NT5DC3: variants seen among roughly 807,000 people sequenced by gnomAD.
NT5DC3 encodes 5'-nucleotidase domain-containing protein 3.
Under a neutral mutation model 67.8 loss-of-function variants are expected in NT5DC3, and 42 were observed. That is an observed-to-expected ratio of 0.62 (90% CI 0.48 to 0.80). NT5DC3 has a LOEUF of 0.80. Ranked by LOEUF, NT5DC3 falls within the 30% of genes least tolerant of loss-of-function variation. The pLI, the probability that NT5DC3 is intolerant of heterozygous loss-of-function variation, is 0.00. For synonymous variants in NT5DC3, 237 were observed against 255.6 expected, an observed-to-expected ratio of 0.93 and a Z score of 0.69; for missense variants, 570 against 696.4, an observed-to-expected ratio of 0.82 and a Z score of 2.04.
rs762632429 is a variant in NT5DC3, at chr12:103,805,076, T to C, written c.524+1246A>G. Among the ~76,000 whole-genome samples the C allele has an allele frequency of 5.4e-4, 75 of 137,926 alleles. 2 individuals carry two copies. The highest frequency in any genetic ancestry group is 2.5e-4 in the Non-Finnish European group (16 of 64,332). The allele number at this position is 137,926 out of a possible 152,430, so 90.5% of individuals were successfully genotyped here. On this transcript the variant is annotated intron_variant, in intron 4 of 13. Transcript: ENST00000392876. ...CAATAACAAAAAAAAAAAAAAAGAG[T>C]GAACCAGGCAAGACCTTCTGAGTCA... is the stretch of plus-strand genomic sequence containing the variant.
chr12:103,758,099 G>T, the NT5DC3 span: 1 of 1,601,474 alleles, frequency 6.2e-7, no homozygotes, highest in South Asian at 1.1e-5. Context: ...GATGCCCTGG[G>T]ACCTTCTTCA....
intron 1 of NT5DC3, 35 bp downstream of exon 1, chr12:103,840,912 GCC>G: frequency 7.9e-7 from 1 of 1,265,330 alleles, no homozygotes; most frequent in Non-Finnish European, 1.0e-6. Flanking sequence ...CGCAGGAGGG[GCC>G]CCAGGCGCCG....
chr12:103,777,505 G>C lies in NT5DC3; in HGVS notation c.*324C>G. Reference sequence around the variant, plus strand: ...AGGAGTCAAGAACCGTTTCAAGCTTGACCTGCTAGAATACAGACATGGCAT... The same window carrying C: ...AGGAGTCAAGAACCGTTTCAAGCTTCACCTGCTAGAATACAGACATGGCAT... On this transcript the variant is annotated 3_prime_UTR_variant, in exon 14 of 14. Coordinates refer to ENST00000392876, the MANE Select transcript of NT5DC3 (RefSeq NM_001031701.3). 6.2e-6 allele frequency: 2 copies of C among 323,184 alleles called. No homozygotes were observed. Among genetic ancestry groups the C allele is most frequent in the Admixed American group, 4.5e-5 (1 of 22,020 alleles). 20.0% of individuals were successfully genotyped at this position (323,184 alleles called of 1,614,324 possible).
chr12:103,764,550 G>C, the NT5DC3 span, among the ~76,000 whole-genome samples: 1 of 151,968 alleles, frequency 6.6e-6, no homozygotes, highest in Non-Finnish European at 1.5e-5. Flanking sequence ...ACCAGTTCTC[G>C]ACTGAAAAAA....
intron 9 of NT5DC3, among the ~76,000 whole-genome samples, chr12:103,791,491 TGATACTCCCCAA>T (rs1168664376): frequency 6.6e-6 from 1 of 152,190 alleles, no homozygotes; most frequent in Non-Finnish European, 1.5e-5. Flanking sequence ...AAGGTTTTTA[TGATACTCCCCAA>T]GACACTGGAA....
At chr12:103,783,580 A>T (rs1885645334) in intron 12 of NT5DC3, among the ~76,000 whole-genome samples, 1 of 152,108 alleles carries the variant, frequency 6.6e-6, no homozygotes, top group Admixed American at 6.6e-5. Flanking sequence ...ATTCTAGAAA[A>T]GTCACCTATC....
chr12:103,796,828 C>T, intron 6 of NT5DC3, 66 bp downstream of exon 6: 2 of 1,567,650 alleles, frequency 1.3e-6, no homozygotes, highest in East Asian at 2.2e-5. Context: ...AGGTTCAAGA[C>T]TCTGTGACTC....
At chr12:103,779,822 T>C (rs1353894762) in intron 13 of NT5DC3, among the ~76,000 whole-genome samples, 4 of 152,152 alleles carry the variant, frequency 2.6e-5, no homozygotes, top group African/African-American at 9.7e-5. Context: ...CAGGCAGGCT[T>C]TCTTTATCAG....
intron 7 of NT5DC3, 96 bp downstream of exon 7, chr12:103,793,841 T>C (rs1283696279): frequency 2.0e-6 from 2 of 997,100 alleles, no homozygotes; most frequent in Non-Finnish European, 3.2e-6. Context: ...TCATGCAGCC[T>C]CTGCTTAGCA....
intron 9 of NT5DC3, among the ~76,000 whole-genome samples, chr12:103,789,484 C>T (rs1885945542): frequency 6.6e-6 from 1 of 152,082 alleles, no homozygotes; most frequent in South Asian, 2.1e-4. Flanking sequence ...ATTTGGAAAA[C>T]ACCATGCACT....
At chr12:103,836,957 T>C (rs1888174634) in intron 1 of NT5DC3, among the ~76,000 whole-genome samples, 1 of 152,198 alleles carries the variant, frequency 6.6e-6, no homozygotes, top group Non-Finnish European at 1.5e-5. Context: ...GTAGGGACTC[T>C]GTGTGGGGGC....
rs1297564164 is a variant in NT5DC3, at chr12:103,774,550, G to T, written c.*3279C>A. ...TACAAAAAAATTAGCTGGATGTGGT[G>T]GTGGGCACCTGTAATCCCAGCTACT... On this transcript the variant is annotated 3_prime_UTR_variant, in exon 14 of 14. Coordinates refer to ENST00000392876, the MANE Select transcript of NT5DC3 (RefSeq NM_001031701.3). 1 of 151,766 alleles carries T rather than the reference G, an allele frequency of 6.6e-6. No individual in the cohort carries two copies. 9.4% of individuals were successfully genotyped at this position (151,766 alleles called of 1,614,324 possible).
the NT5DC3 span, among the ~76,000 whole-genome samples, chr12:103,762,016 T>A: frequency 6.6e-6 from 1 of 152,152 alleles, no homozygotes; most frequent in Non-Finnish European, 1.5e-5. Context: ...CTGTGTGATA[T>A]CGGGCAAGTG....
At chr12:103,790,261 T>C (rs1885986488) in intron 9 of NT5DC3, among the ~76,000 whole-genome samples, 1 of 151,892 alleles carries the variant, frequency 6.6e-6, no homozygotes, top group Non-Finnish European at 1.5e-5. Flanking sequence ...TGCACTGCCA[T>C]ACCTAGTTTA....
the NT5DC3 span, chr12:103,759,006 T>C: frequency 6.7e-7 from 1 of 1,500,220 alleles, no homozygotes; most frequent in Non-Finnish European, 9.2e-7. Flanking sequence ...TGACATTTCC[T>C]GATCTCCACA....
At chr12:103,780,271 CG>C (rs1885495878) in intron 13 of NT5DC3, 28 bp downstream of exon 13, 1 of 1,587,882 alleles carries the variant, frequency 6.3e-7, no homozygotes, top group African/African-American at 1.3e-5. Context: ...GGGTGGTGGA[CG>C]CGCACATTCA....
chr12:103,782,987 A>AAAAC (rs894322949), intron 12 of NT5DC3, among the ~76,000 whole-genome samples: 2 of 152,214 alleles, frequency 1.3e-5, no homozygotes, highest in African/African-American at 2.4e-5. Flanking sequence ...CTCCATCTCA[A>AAAAC]AAACAAACAA....
the NT5DC3 span, chr12:103,749,299 A>G: frequency 1.0e-6 from 1 of 975,098 alleles, no homozygotes. Context: ...GTTAAAAGTC[A>G]TTGGGCTAAA....
intron 3 of NT5DC3, 44 bp from the exon 4 acceptor site, chr12:103,806,421 AT>A: frequency 7.2e-7 from 1 of 1,385,948 alleles, no homozygotes; most frequent in Non-Finnish European, 1.0e-6. Context: ...ATGTATGACT[AT>A]TTGCATATTA....
Sources: gnomAD v4.1 joint callset for allele counts (sites outside exome capture counted in the v4.1 genomes callset) on GRCh38, gnomAD v4.1.1 for gene constraint, MANE v1.5 for transcripts, NCBI Gene and HGNC (gene_info 2026-07-23, HGNC 2026-07-21) for gene names.